TNK2: variants seen among roughly 807,000 people sequenced by gnomAD.
The protein encoded by TNK2 is tyrosine kinase non receptor 2.
TNK2 carries 83 observed loss-of-function variants against 101.8 expected under a neutral mutation model. That is an observed-to-expected ratio of 0.82 (90% confidence interval 0.68 to 0.98). TNK2 has a LOEUF of 0.98. Ranked by LOEUF, TNK2 falls within the 50% of genes least tolerant of loss-of-function variation. The pLI is 0.00. For synonymous variants in TNK2, 804 were observed against 633.0 expected (o/e 1.27, Z -4.06); for missense variants, 1,665 against 1,483.2 (o/e 1.12, Z -2.01).
Position 195,888,482 on chromosome 3 carries a change from G to A in TNK2, c.107C>T (p.Ser36Phe), listed in dbSNP as rs1335952597. The part of the protein sequence containing the change: ...LRDDLNVTRL[S>F]HFEYVKNEDL... Reference sequence around the variant, plus strand: ...CTCATTCTTGACGTACTCAAAGTGGGACAGGCGGGTGACGTTGAGGTCATC... The same window carrying A: ...CTCATTCTTGACGTACTCAAAGTGGAACAGGCGGGTGACGTTGAGGTCATC... The change falls in exon 2 of 16, where the codon TCC becomes TTC. Residue 36 changes from serine (S) to phenylalanine (F), a missense_variant. By Grantham distance (155) the Ser-to-Phe change is radical. Coordinates refer to ENST00000672887, the MANE Select transcript of TNK2 (RefSeq NM_001382273.1). The surrounding 1 kb of genome is among the most constrained non-coding windows in gnomAD (Gnocchi z 5.3). The A allele has an allele frequency of 3.7e-6, 6 of 1,614,072 alleles. No individual in the cohort carries two copies. The highest frequency in any genetic ancestry group is 1.1e-5 in the South Asian group (1 of 91,064).
rs1431363387 is a variant in TNK2, at chr3:195,878,286, T to C, written c.1223A>G (p.Gln408Arg). ...GATGACGGTGATGACATCATTCATC[T>C]GGATGTGCAGCTTGTCCGGTTCCTC... Reference protein sequence around the residue: ...DFEEPDKLHIQMNDVITVIEG... With the variant: ...DFEEPDKLHIRMNDVITVIEG... The change falls in exon 9 of 16, where the codon CAG (glutamine) becomes CGG (arginine). Residue 408 changes from glutamine (Q) to arginine (R), a missense_variant. By Grantham distance (43) the Gln-to-Arg change is conservative. Transcript: ENST00000672887. This position sits in a 1 kb window ranked among gnomAD's most constrained non-coding sequence, Gnocchi z 4.7. 6.2e-7 allele frequency: 1 copy of C among 1,613,906 alleles called. No individual in the cohort carries two copies. Among genetic ancestry groups the C allele is most frequent in the Admixed American group, 1.7e-5 (1 of 60,010 alleles).
intron 10 of TNK2, among the ~76,000 whole-genome samples, chr3:195,872,052 A>C (rs148092490): frequency 0.033 from 3,060 of 93,394 alleles, 91 homozygotes; most frequent in African/African-American, 0.094. Flanking sequence ...CCTGGAGAAC[A>C]CTCCCCTGGA....
Position 195,868,068 on chromosome 3 carries a change from G to A in TNK2, c.2230C>T (p.Pro744Ser). The change falls in exon 13 of 16, where the codon CCC (proline) becomes TCC (serine). Residue 744 changes from proline to serine, a missense_variant. Physicochemically the swap from Pro to Ser is moderately conservative, Grantham distance 74. This residue lies in a region of TNK2 where 1,136 missense variants were observed against 894.9 expected (regional missense o/e 1.27). Transcript: ENST00000672887. ...GGCTTGTCGTCACCCCCCGGGCTGG[G>A]AGAGGGGGCCGGGGAGCCGGCCGGA... Reference protein sequence around the residue: ...QAPAGSPAPSPSPGGDDKPQV... With the variant: ...QAPAGSPAPSSSPGGDDKPQV... 1 of 1,606,948 alleles carries A rather than the reference G, an allele frequency of 6.2e-7. No homozygotes were observed. The highest frequency in any genetic ancestry group is 1.1e-5 in the South Asian group (1 of 90,460).
At position 195,864,105 on chromosome 3, in the gene TNK2, G is replaced by T; in HGVS notation, c.*76C>A. ...GCGGGTCCTCCAGGACTGGATGGGG[G>T]CATCTCCCCACTCCTGGTGGACGGA... is the stretch of plus-strand genomic sequence containing the variant. On this transcript the variant is annotated 3_prime_UTR_variant, in exon 16 of 16. Transcript: ENST00000672887. 2 of 1,597,408 alleles carry T rather than the reference G, an allele frequency of 1.3e-6. No individual in the cohort carries two copies. Among genetic ancestry groups the T allele is most frequent in the South Asian group, 1.1e-5 (1 of 90,428 alleles).
intron 15 of TNK2, among the ~76,000 whole-genome samples, chr3:195,866,585 A>G (rs1427550919): frequency 1.3e-5 from 2 of 152,234 alleles, no homozygotes; most frequent in African/African-American, 4.8e-5. Flanking sequence ...TGGGGTCCTA[A>G]AAAGTGCCAT....
chr3:195,881,446 T>C lies in TNK2; in HGVS notation c.887+605A>G, dbSNP rs377402535. 1.3e-3 allele frequency among the ~76,000 whole-genome samples: 121 copies of C among 92,448 alleles called. 1 individual carries two copies. Among genetic ancestry groups the C allele is most frequent in the South Asian group, 2.0e-3 (5 of 2,450 alleles). The allele number at this position is 92,448 out of a possible 152,430, so 60.6% of individuals were successfully genotyped here. A position where few individuals can be genotyped will look rare whatever the true frequency, so the allele number is the denominator to read the frequency against. On this transcript the variant is annotated intron_variant, in intron 6 of 15. Coordinates refer to ENST00000672887, the MANE Select transcript of TNK2 (RefSeq NM_001382273.1). Reference sequence around the variant, plus strand: ...TCCCTGTAACACCCGCCCCCAGCGATGCCCCTTGGAGAGGACACAGGATCT... The same window carrying C: ...TCCCTGTAACACCCGCCCCCAGCGACGCCCCTTGGAGAGGACACAGGATCT...
intron 1 of TNK2, chr3:195,895,504 C>A: frequency 7.4e-7 from 1 of 1,353,782 alleles, no homozygotes; most frequent in Non-Finnish European, 9.5e-7. Flanking sequence ...CGCCCCTCCT[C>A]CTGCCGGCCT....
rs762088785 is a variant in TNK2 at position 195,884,922 on chromosome 3, T to C, written c.346A>G (p.Ser116Gly). ...GGPAGEGPLQSLTCLIGEKDL... is the reference protein window; with the variant it reads ...GGPAGEGPLQGLTCLIGEKDL... ...TTCTCCCCAATGAGGCAGGTGAGGC[T>C]CTGCAGGGGCCCCTCCCCTGCTGGG... Residue 116 changes from serine (S) to glycine (G), a missense_variant, in exon 4 of 16, where the codon AGC (serine) becomes GGC (glycine). This residue lies in a region of TNK2 where 490 missense variants were observed against 522.5 expected (regional missense o/e 0.94). Coordinates refer to ENST00000672887, the MANE Select transcript of TNK2 (RefSeq NM_001382273.1). 6.2e-7 allele frequency: 1 copy of C among 1,614,020 alleles called. No individual in the cohort carries two copies. The highest frequency in any genetic ancestry group is 1.1e-5 in the South Asian group (1 of 91,088).
At position 195,879,099 on chromosome 3, in the gene TNK2, C is replaced by T. The variant is rs1751022845; in HGVS notation, c.964G>A (p.Glu322Lys). ...DTWMFGVTLWEMFTYGQEPWI... is the reference protein window; with the variant it reads ...DTWMFGVTLWKMFTYGQEPWI... ...GGCTCCTGGCCGTAGGTGAACATTTCCCACAGTGTCACCCCGAACATCCAG... is the reference window on the plus strand; with the variant it reads ...GGCTCCTGGCCGTAGGTGAACATTTTCCACAGTGTCACCCCGAACATCCAG... The change falls in exon 7 of 16, where the codon GAA becomes AAA. Residue 322 changes from glutamate to lysine, a missense_variant. Physicochemically the swap from Glu to Lys is moderately conservative, Grantham distance 56 (BLOSUM62 1). Around this residue, in one of 3 missense-constraint regions of TNK2, gnomAD observed 490 missense variants for 522.5 expected, o/e 0.94. Coordinates refer to ENST00000672887, the MANE Select transcript of TNK2 (RefSeq NM_001382273.1). 1 of 1,613,852 alleles carries T rather than the reference C, an allele frequency of 6.2e-7. No individual in the cohort carries two copies. Among genetic ancestry groups the T allele is most frequent in the Non-Finnish European group, 8.5e-7 (1 of 1,179,984 alleles).
chr3:195,868,879 GA>G (rs1450433546), intron 12 of TNK2, 170 bp from the exon 13 acceptor site: 2 of 721,432 alleles, frequency 2.8e-6, no homozygotes, highest in Non-Finnish European at 4.3e-6. Context: ...GCGCACCTCC[GA>G]CCACTCCATC....
In TNK2 at chr3:195,868,104, G is replaced by A. The variant is rs1163216398; in HGVS notation, c.2194C>T (p.Gln732Ter). 6.2e-7 allele frequency: 1 copy of A among 1,611,126 alleles called. No individual in the cohort carries two copies. The highest frequency in any genetic ancestry group is 8.5e-7 in the Non-Finnish European group (1 of 1,179,354). The change falls in exon 13 of 16, where the codon CAA (glutamine) becomes TAA (stop). Residue 732 changes from glutamine to a stop codon, truncating the protein, a stop_gained. Transcript: ENST00000672887. LOFTEE classifies it high-confidence loss of function. The part of the protein sequence containing the change: ...FQALQQECMR[Q>*]LQAPAGSPAP... ...GGGGAGCCGGCCGGAGCCTGCAGTT[G>A]CCTCATGCACTCCTGCTGTAGCGCC...
chr3:195,878,190 A>G lies in TNK2; in HGVS notation c.1256+63T>C. ...TTGGAGGCCAAACAGATCTGTCCACAGGTCCCTCCGACCTGTGCCCTTCAA... is the reference window on the plus strand; with the variant it reads ...TTGGAGGCCAAACAGATCTGTCCACGGGTCCCTCCGACCTGTGCCCTTCAA... On this transcript the variant is annotated intron_variant, in intron 9 of 15. Transcript: ENST00000672887. This position sits in a 1 kb window ranked among gnomAD's most constrained non-coding sequence, Gnocchi z 4.7. 6.5e-7 allele frequency: 1 copy of G among 1,546,530 alleles called. No homozygotes were observed. The highest frequency in any genetic ancestry group is 8.9e-7 in the Non-Finnish European group (1 of 1,119,272).
At chr3:195,870,078 T>C (rs1743950537) in intron 11 of TNK2, 36 bp downstream of exon 11, 1 of 1,407,298 alleles carries the variant, frequency 7.1e-7, no homozygotes, top group Non-Finnish European at 9.4e-7. Context: ...GAGTAGCCGA[T>C]GAGTTAGGGA....
chr3:195,896,851 C>G (rs1760608774), intron 1 of TNK2: 1 of 152,302 alleles, frequency 6.6e-6, no homozygotes, highest in African/African-American at 2.4e-5. Flanking sequence ...TGGAAACCAG[C>G]CCAGCTCTGC....
intron 1 of TNK2, among the ~76,000 whole-genome samples, chr3:195,891,550 G>A (rs1758438622): frequency 6.6e-6 from 1 of 152,226 alleles, no homozygotes. Context: ...CAGGCGTCGT[G>A]GCTTTCCGGA....
intron 11 of TNK2, 87 bp from the exon 12 acceptor site, chr3:195,869,628 T>A (rs942407869): frequency 7.5e-7 from 1 of 1,330,516 alleles, no homozygotes; most frequent in Admixed American, 2.0e-5. Flanking sequence ...GAGGGCAGAG[T>A]GTAGAGAGAC....
rs202059516 is a variant in TNK2, at chr3:195,870,178, G to C, written c.1479C>G (p.Pro493=). 6.5e-7 allele frequency: 1 copy of C among 1,544,560 alleles called. No individual in the cohort carries two copies. The highest frequency in any genetic ancestry group is 8.8e-7 in the Non-Finnish European group (1 of 1,141,198). The change falls in exon 11 of 16, where the codon CCC becomes CCG. Residue 493 remains proline (P), a synonymous_variant. Coordinates refer to ENST00000672887, the MANE Select transcript of TNK2 (RefSeq NM_001382273.1). ...DELYLGNPMD[P]PDLLSVELST... ...TCAGTTCCACGCTCAGGAGGTCGGG[G>C]GGGTCCATGGGGTTTCCCAGATACA...
At position 195,867,890 on chromosome 3, in the gene TNK2, C is replaced by T. The variant is rs775383586; in HGVS notation, c.2408G>A (p.Gly803Asp). The T allele has an allele frequency of 1.3e-5, 20 of 1,531,168 alleles. No homozygotes were observed. Among genetic ancestry groups the T allele is most frequent in the Admixed American group, 2.2e-5 (1 of 44,452 alleles). The allele number at this position is 1,531,168 out of a possible 1,614,324, so 94.8% of individuals were successfully genotyped here. A position where few individuals can be genotyped will look rare whatever the true frequency, so the allele number is the denominator to read the frequency against. Reference protein sequence around the residue: ...VPPREPLSPQGSRTPSPLVPP... With the variant: ...VPPREPLSPQDSRTPSPLVPP... ...TACCAGGGGGCTGGGTGTCCTCGAG[C>T]CTTGAGGGGACAGGGGCTCCCGCGG... The change falls in exon 13 of 16, where the codon GGC becomes GAC. Residue 803 changes from glycine to aspartate, a missense_variant. Around this residue, in one of 3 missense-constraint regions of TNK2, gnomAD observed 1,136 missense variants for 894.9 expected, o/e 1.27. Coordinates refer to ENST00000672887, the MANE Select transcript of TNK2 (RefSeq NM_001382273.1).
intron 15 of TNK2, among the ~76,000 whole-genome samples, chr3:195,866,164 T>C (rs1740707594): frequency 6.6e-6 from 1 of 152,256 alleles, no homozygotes. Flanking sequence ...AACTATAATA[T>C]AAACCTTTTA....
Sources: gnomAD v4.1 joint callset for allele counts (sites outside exome capture counted in the v4.1 genomes callset) on GRCh38, gnomAD v4.1.1 for gene constraint, gnomAD v4.1.1 regional missense constraint, Gnocchi (gnomAD v3.1) non-coding constraint, MANE v1.5 for transcripts, NCBI Gene and HGNC (gene_info 2026-07-23, HGNC 2026-07-21) for gene names.